The following SDK2 variants were observed in gnomAD, a reference collection of about 807,000 sequenced individuals.
The protein encoded by SDK2 is sidekick cell adhesion molecule 2, also known as protein sidekick-2.
A neutral mutation model predicts 253.9 loss-of-function variants in SDK2; 105 were observed. The observed-to-expected ratio is 0.41, with a 90% CI of 0.35 to 0.49. The LOEUF (loss-of-function observed/expected upper bound fraction) is 0.49, where lower values mean the gene tolerates loss of function less well. Ranked by LOEUF, SDK2 falls within the 20% of genes least tolerant of loss-of-function variation. The pLI is 0.06. For missense variants in SDK2, 2,608 were observed against 3,003.0 expected, an observed-to-expected ratio of 0.87 and a Z score of 3.07; for synonymous variants, 1,249 against 1,234.9, an observed-to-expected ratio of 1.01 and a Z score of -0.24.
rs577723379 is a variant in SDK2, at chr17:73,414,943, G to A, written c.2369-184C>T. 1.2e-3 allele frequency among the ~76,000 whole-genome samples: 184 copies of A among 152,244 alleles called. 1 individual carries two copies. The highest frequency in any genetic ancestry group is 4.1e-3 in the African/African-American group (170 of 41,546). On this transcript the variant is annotated intron_variant, in intron 17 of 44. Transcript: ENST00000392650. Reference sequence around the variant, plus strand: ...TCATATTCTCTCTGGATTAGTTTGCGTTTAATAAAACTTGCCTGACCCACC... The same window carrying A: ...TCATATTCTCTCTGGATTAGTTTGCATTTAATAAAACTTGCCTGACCCACC...
In SDK2 at chr17:73,399,240, G is replaced by A; in HGVS notation, c.3021C>T (p.Arg1007=). ...TNLGISNIGP[R]SVTLQFRPGY... is the part of the protein sequence containing the mutation. ...CTGGCCTGAACTGCAAGGTCACAGA[G>A]CGGGGGCCGATGTTGGAAATGCCCA... The change falls in exon 22 of 45, where the codon CGC becomes CGT. Residue 1007 remains arginine (R), a synonymous_variant. Transcript: ENST00000392650. 1 of 1,613,892 alleles carries A rather than the reference G, an allele frequency of 6.2e-7. No individual in the cohort carries two copies. The highest frequency in any genetic ancestry group is 8.5e-7 in the Non-Finnish European group (1 of 1,179,806).
At chr17:73,414,797 C>T (rs538047611) in intron 17 of SDK2, 38 bp from the exon 18 acceptor site, 3 of 1,287,134 alleles carry the variant, frequency 2.3e-6, no homozygotes, top group East Asian at 4.6e-5. Context: ...GTGGAGGGGG[C>T]CCAGTCAGTC....
chr17:73,368,476 C>G lies in SDK2; in HGVS notation c.5098G>C (p.Val1700Leu), dbSNP rs760245135. The change falls in exon 37 of 45, where the codon GTG becomes CTG. Residue 1700 changes from valine to leucine, a missense_variant. Coordinates refer to ENST00000392650, the MANE Select transcript of SDK2 (RefSeq NM_001144952.2). Reference protein sequence around the residue: ...LTGYTAYMVSVAAFNAAGDGP... With the variant: ...LTGYTAYMVSLAAFNAAGDGP... Reference sequence around the variant, plus strand: ...TCCCCAGCGGCGTTGAAGGCGGCCACGCTGACCATGTAGGCCGTGTAGCCA... The same window carrying G: ...TCCCCAGCGGCGTTGAAGGCGGCCAGGCTGACCATGTAGGCCGTGTAGCCA... 2.5e-6 allele frequency: 4 copies of G among 1,609,462 alleles called. No homozygotes were observed. Among genetic ancestry groups the G allele is most frequent in the Non-Finnish European group, 3.4e-6 (4 of 1,178,264 alleles).
Position 73,350,687 on chromosome 17 carries a change from C to A in SDK2, c.5862G>T (p.Arg1954=), listed in dbSNP as rs1343588531. 6.2e-7 allele frequency: 1 copy of A among 1,613,462 alleles called. No homozygotes were observed. The highest frequency in any genetic ancestry group is 8.5e-7 in the Non-Finnish European group (1 of 1,179,766). The change falls in exon 42 of 45, where the codon CGG becomes CGT. Residue 1954 remains arginine (R), a synonymous_variant. Transcript: ENST00000392650. ...TCTTGGCGTACTTCTTGCTCTGGCC[C>A]CGGATGATGAGCACGAAGACCAGAA... ...ILLLVFVLII[R]GQSKKYAKKT...
At chr17:73,504,235 A>AGAGAG (rs2063914079) in intron 2 of SDK2, 1 of 81,490 alleles carries the variant, frequency 1.2e-5, no homozygotes, top group African/African-American at 5.1e-5. Context: ...AGAGAGAGAG[A>AGAGAG]AAGTGTGTGT....
intron 16 of SDK2, among the ~76,000 whole-genome samples, 178 bp from the exon 17 acceptor site, chr17:73,416,170 T>C (rs1371816623): frequency 1.3e-5 from 2 of 150,922 alleles, no homozygotes; most frequent in African/African-American, 4.9e-5. Flanking sequence ...ACTTGAAATG[T>C]GGTTAGTGCA....
intron 37 of SDK2, among the ~76,000 whole-genome samples, chr17:73,367,457 C>T (rs1293137256): frequency 6.6e-6 from 1 of 152,074 alleles, no homozygotes; most frequent in Non-Finnish European, 1.5e-5. Context: ...CTGGAGCCCC[C>T]AGCACCCTCT....
intron 44 of SDK2, among the ~76,000 whole-genome samples, chr17:73,345,073 C>T (rs2062471363): frequency 2.6e-5 from 4 of 152,200 alleles, no homozygotes; most frequent in African/African-American, 7.2e-5. Flanking sequence ...AATCCTAGCA[C>T]TTTGGGAGGC....
At chr17:73,521,727 C>G (rs540505320) in intron 1 of SDK2, among the ~76,000 whole-genome samples, 1 of 152,260 alleles carries the variant, frequency 6.6e-6, no homozygotes, top group South Asian at 2.1e-4. Flanking sequence ...CGGGGGTGAG[C>G]CCCAACTCCA....
rs564240489 is a variant in SDK2, at chr17:73,346,411, T to TG, written c.6165+2187_6165+2188insC. On this transcript the variant is annotated intron_variant, in intron 44 of 44. Transcript: ENST00000392650. ...ACTTGTGTGCTAAGTATATACATTT[T>TG]TTTTTTTTGTACAAAACTTGGGCTC... Among the ~76,000 whole-genome samples, 1,115 of 152,188 alleles carry TG rather than the reference T, an allele frequency of 7.3e-3. 8 individuals carry two copies. Among genetic ancestry groups the TG allele is most frequent in the Non-Finnish European group, 0.011 (729 of 67,972 alleles).
At position 73,597,647 on chromosome 17, in the gene SDK2, TTC is replaced by T. The variant is rs1391274866; in HGVS notation, c.64+46376_64+46377del. ...CTGTGTGCTTCTGGACTATTTTCTTTTCTTTTTTTTTTTTTTGAGACAGAGTC... is the reference window on the plus strand; with the variant it reads ...CTGTGTGCTTCTGGACTATTTTCTTTTTTTTTTTTTTTTTGAGACAGAGTC... On this transcript the variant is annotated intron_variant, in intron 1 of 44. Transcript: ENST00000392650. Among the ~76,000 whole-genome samples, 140 of 145,374 alleles carry T rather than the reference TTC, an allele frequency of 9.6e-4. 1 individual carries two copies. Among genetic ancestry groups the T allele is most frequent in the African/African-American group, 3.3e-3 (130 of 39,216 alleles).
At chr17:73,369,306 G>C (rs1378803201) in intron 36 of SDK2, 2 of 330,678 alleles carry the variant, frequency 6.0e-6, no homozygotes, top group Non-Finnish European at 1.3e-5. Flanking sequence ...CATGTCACCT[G>C]GGAGCTGGTG....
chr17:73,360,644 G>A (rs1283057930), intron 39 of SDK2, among the ~76,000 whole-genome samples: 1 of 151,902 alleles, frequency 6.6e-6, no homozygotes, highest in African/African-American at 2.4e-5. Context: ...GGGAGGTGAA[G>A]AGGACATTTA....
chr17:73,568,492 G>T (rs1376114016), intron 1 of SDK2, among the ~76,000 whole-genome samples: 2 of 152,034 alleles, frequency 1.3e-5, no homozygotes, highest in Non-Finnish European at 2.9e-5. Context: ...AAAATTTATT[G>T]GATAGATTTA....
At chr17:73,580,076 C>T (rs1366846310) in intron 1 of SDK2, among the ~76,000 whole-genome samples, 1 of 152,066 alleles carries the variant, frequency 6.6e-6, no homozygotes, top group African/African-American at 2.4e-5. Flanking sequence ...AAGAGAGACA[C>T]CTCAGAAGAA....
At chr17:73,591,894 G>A (rs150147426) in intron 1 of SDK2, among the ~76,000 whole-genome samples, 46 of 152,240 alleles carry the variant, frequency 3.0e-4, no homozygotes, top group Middle Eastern at 3.4e-3. Context: ...GCACTAAAAC[G>A]GTAAGAGTGG....
intron 1 of SDK2, among the ~76,000 whole-genome samples, chr17:73,606,674 T>C (rs185152803): frequency 6.6e-6 from 1 of 152,148 alleles, no homozygotes; most frequent in Non-Finnish European, 1.5e-5. Context: ...CAGAGCCTGT[T>C]TTCTTTTGGA....
intron 4 of SDK2, among the ~76,000 whole-genome samples, chr17:73,449,838 G>C (rs925154412): frequency 2.6e-5 from 4 of 151,986 alleles, no homozygotes; most frequent in Non-Finnish European, 5.9e-5. Context: ...CAGGAAAATC[G>C]CTTGAACCTG....
chr17:73,623,387 A>G (rs2046157899), intron 1 of SDK2, among the ~76,000 whole-genome samples: 1 of 152,110 alleles, frequency 6.6e-6, no homozygotes, highest in Non-Finnish European at 1.5e-5. Flanking sequence ...CTATTGCTCT[A>G]TAAACTGCTT....
Sources: gnomAD v4.1 joint callset for allele counts (sites outside exome capture counted in the v4.1 genomes callset) on GRCh38, gnomAD v4.1.1 for gene constraint, MANE v1.5 for transcripts, NCBI Gene and HGNC (gene_info 2026-07-23, HGNC 2026-07-21) for gene names.